CHRM3: variants seen among roughly 807,000 people sequenced by gnomAD.
CHRM3 encodes cholinergic receptor muscarinic 3.
CHRM3 carries 11 observed loss-of-function variants against 41.8 expected under a neutral mutation model. The ratio of observed to expected loss-of-function variants is 0.26; its 90% CI spans 0.17 to 0.44. The LOEUF (loss-of-function observed/expected upper bound fraction) is 0.44, where lower values mean the gene tolerates loss of function less well. CHRM3 is among the 20% of genes least tolerant of loss of function. CHRM3 has a pLI of 1.00. For missense variants in CHRM3, 571 were observed against 745.4 expected (o/e 0.77, Z 2.72); for synonymous variants, 297 against 301.4 (o/e 0.99, Z 0.15).
At chr1:239,752,331 T>C (rs1038441293) in intron 5 of CHRM3, among the ~76,000 whole-genome samples, 3 of 152,184 alleles carry the variant, frequency 2.0e-5, no homozygotes, top group Admixed American at 1.3e-4. Flanking sequence ...CATTGTTCTA[T>C]TTCTGTCAGA....
At chr1:239,818,749 C>T (rs763293872) in intron 5 of CHRM3, among the ~76,000 whole-genome samples, 8 of 152,194 alleles carry the variant, frequency 5.3e-5, no homozygotes, top group Non-Finnish European at 1.2e-4. Context: ...TTCTGCTGAG[C>T]TGAGCAGACG....
At position 239,907,586 on chromosome 1, in the gene CHRM3, A is replaced by G; in HGVS notation, c.135A>G (p.Ala45=). Residue 45 remains alanine (A), a synonymous_variant, in exon 7 of 7, where the codon GCA becomes GCG. Transcript: ENST00000676153. This position sits in a 1 kb window ranked among gnomAD's most constrained non-coding sequence, Gnocchi z 5.4. ...TCGGCAGCTACAATGTTTCTCGAGC[A>G]GCTGGCAATTTCTCCTCTCCAGACG... The part of the protein sequence containing the change: ...THFGSYNVSR[A]AGNFSSPDGT... The G allele has an allele frequency of 6.2e-7, 1 of 1,614,164 alleles. No homozygotes were observed. Among genetic ancestry groups the G allele is most frequent in the Non-Finnish European group, 8.5e-7 (1 of 1,180,040 alleles).
intron 5 of CHRM3, among the ~76,000 whole-genome samples, chr1:239,792,866 G>A (rs565150310): frequency 6.6e-6 from 1 of 152,276 alleles, no homozygotes; most frequent in African/African-American, 2.4e-5. Flanking sequence ...TGTGTGATTT[G>A]CATTTTATGG....
intron 6 of CHRM3, among the ~76,000 whole-genome samples, chr1:239,869,373 T>G (rs1676383718): frequency 6.6e-6 from 1 of 152,164 alleles, no homozygotes; most frequent in Admixed American, 6.5e-5. Context: ...CTTCCAGCTT[T>G]AATCTCTCCA....
intron 5 of CHRM3, among the ~76,000 whole-genome samples, chr1:239,784,960 G>T (rs1479068691): frequency 1.3e-5 from 2 of 152,106 alleles, no homozygotes; most frequent in Non-Finnish European, 2.9e-5. Flanking sequence ...ATACCAAATT[G>T]TTAATTAAAA....
At chr1:239,873,559 T>C (rs895342456) in intron 6 of CHRM3, among the ~76,000 whole-genome samples, 1 of 151,992 alleles carries the variant, frequency 6.6e-6, no homozygotes, top group Non-Finnish European at 1.5e-5. Flanking sequence ...GTTCTCATTG[T>C]TCAACTCCCA....
At chr1:239,404,034 C>T (rs1461789342) in intron 1 of CHRM3, among the ~76,000 whole-genome samples, 2 of 139,566 alleles carry the variant, frequency 1.4e-5, no homozygotes, top group Admixed American at 7.3e-5. Flanking sequence ...CGGTGGCTCA[C>T]GCCTGTAATC....
At chr1:239,527,717 T>A (rs1670089307) in intron 2 of CHRM3, among the ~76,000 whole-genome samples, 1 of 152,206 alleles carries the variant, frequency 6.6e-6, no homozygotes, top group African/African-American at 2.4e-5. Context: ...TACCAGCTAA[T>A]AACTTTCAAC....
intron 4 of CHRM3, among the ~76,000 whole-genome samples, chr1:239,653,090 C>A (rs1672385215): frequency 6.6e-6 from 1 of 152,074 alleles, no homozygotes. Flanking sequence ...GGAACTATTA[C>A]AATAGGGAGA....
intron 5 of CHRM3, among the ~76,000 whole-genome samples, chr1:239,766,600 G>C (rs1450036917): frequency 6.6e-6 from 1 of 151,882 alleles, no homozygotes; most frequent in Non-Finnish European, 1.5e-5. Context: ...AAATACAAAC[G>C]AAGTTCACAG....
intron 5 of CHRM3, among the ~76,000 whole-genome samples, chr1:239,721,779 A>G (rs1662994764): frequency 6.6e-6 from 1 of 151,970 alleles, no homozygotes; most frequent in Admixed American, 6.6e-5. Context: ...TTCAGATTAT[A>G]TGCACTCGTG....
chr1:239,733,469 T>G (rs564502123), intron 5 of CHRM3, among the ~76,000 whole-genome samples: 354 of 152,118 alleles, frequency 2.3e-3, no homozygotes, highest in Non-Finnish European at 3.4e-3. Context: ...ATACCTGACA[T>G]CTAGTAAGCA....
chr1:239,732,097 G>C (rs1169240079), intron 5 of CHRM3, among the ~76,000 whole-genome samples: 1 of 151,788 alleles, frequency 6.6e-6, no homozygotes, highest in South Asian at 2.1e-4. Flanking sequence ...CCACAGATTT[G>C]CACTTGGTCT....
chr1:239,877,242 TA>T (rs1677180611), intron 6 of CHRM3, among the ~76,000 whole-genome samples: 1 of 152,166 alleles, frequency 6.6e-6, no homozygotes, highest in Non-Finnish European at 1.5e-5. Flanking sequence ...CATTTTTCTT[TA>T]AAATTCTATA....
chr1:239,646,266 T>C (rs956474566), intron 4 of CHRM3, among the ~76,000 whole-genome samples: 4 of 152,198 alleles, frequency 2.6e-5, no homozygotes, highest in African/African-American at 9.6e-5. Context: ...AGACAGACCA[T>C]TTAGCTGATC....
intron 1 of CHRM3, among the ~76,000 whole-genome samples, chr1:239,440,555 T>C (rs943806229): frequency 2.0e-5 from 3 of 152,164 alleles, no homozygotes; most frequent in African/African-American, 7.2e-5. Context: ...ATGTATCTCA[T>C]ATAGGAGAAA....
At chr1:239,618,704 C>T (rs531004677) in intron 3 of CHRM3, among the ~76,000 whole-genome samples, 17 of 150,516 alleles carry the variant, frequency 1.1e-4, no homozygotes, top group South Asian at 2.1e-4. Flanking sequence ...ATTAGCTGGG[C>T]GTGGTGGCAG....
chr1:239,655,379 G>C (rs1573152782), intron 4 of CHRM3, among the ~76,000 whole-genome samples: 1 of 152,180 alleles, frequency 6.6e-6, no homozygotes, highest in Non-Finnish European at 1.5e-5. Flanking sequence ...TAGAACTCAA[G>C]GCTGCATCAA....
chr1:239,866,143 C>T (rs1676074834), intron 6 of CHRM3, among the ~76,000 whole-genome samples: 1 of 152,060 alleles, frequency 6.6e-6, no homozygotes. Flanking sequence ...TTTGGGAGGC[C>T]GGGGCGGGCG....
Sources: allele counts gnomAD v4.1 joint callset (sites outside exome capture counted in the v4.1 genomes callset), GRCh38; gene constraint gnomAD v4.1.1; non-coding constraint Gnocchi (gnomAD v3.1); transcripts MANE v1.5; gene names NCBI Gene and HGNC (gene_info 2026-07-23, HGNC 2026-07-21).